TGFBRAP1: variants seen among roughly 807,000 people sequenced by gnomAD.
TGFBRAP1 encodes transforming growth factor-beta receptor-associated protein 1.
A neutral mutation model predicts 83.2 loss-of-function variants in TGFBRAP1; 20 were observed. The ratio of observed to expected loss-of-function variants is 0.24; its 90% CI spans 0.17 to 0.35. The LOEUF (loss-of-function observed/expected upper bound fraction) is 0.35, where lower values mean the gene tolerates loss of function less well. Ranked by LOEUF, TGFBRAP1 falls within the 10% of genes least tolerant of loss-of-function variation. The probability of loss-of-function intolerance (pLI) is 1.00; values close to 1 mark genes in which losing one functional copy is unlikely to be tolerated. For missense variants in TGFBRAP1, 950 were observed against 1,099.4 expected (o/e 0.86, Z 1.92); for synonymous variants, 415 against 459.8 (o/e 0.90, Z 1.25).
chr2:105,263,597 G>A (rs1040545218), downstream of TGFBRAP1, among the ~76,000 whole-genome samples: 1 of 151,944 alleles, frequency 6.6e-6, no homozygotes, highest in African/African-American at 2.4e-5. Context: ...TACTCGGGGG[G>A]CCAAGCATGG....
chr2:105,283,048 A>G (rs150860400), intron 5 of TGFBRAP1, among the ~76,000 whole-genome samples: 105 of 152,310 alleles, frequency 6.9e-4, no homozygotes, highest in Admixed American at 3.3e-3. Context: ...AAGAGAAAGA[A>G]GACACCTTGG....
intron 1 of TGFBRAP1, among the ~76,000 whole-genome samples, chr2:105,318,491 T>G (rs1416656279): frequency 6.6e-6 from 1 of 152,196 alleles, no homozygotes; most frequent in Non-Finnish European, 1.5e-5. Flanking sequence ...ATGTATAAAA[T>G]TCTACTCATT....
rs115502288 is a variant in TGFBRAP1 at position 105,298,050 on chromosome 2, G to A, written c.883+461C>T. Among the ~76,000 whole-genome samples the A allele has an allele frequency of 8.3e-3, 1,256 of 152,194 alleles. 19 individuals carry two copies. Among genetic ancestry groups the A allele is most frequent in the African/African-American group, 0.029 (1,192 of 41,522 alleles). On this transcript the variant is annotated intron_variant, in intron 3 of 11. Coordinates refer to ENST00000393359, the MANE Select transcript of TGFBRAP1 (RefSeq NM_004257.6). ...CTGGTCTGCTGCAGCCTCAGCTCAC[G>A]CTGCCCCTTCAAACACACCATGCAC...
At chr2:105,271,968 G>A (rs767933654) in intron 10 of TGFBRAP1, among the ~76,000 whole-genome samples, 1 of 152,154 alleles carries the variant, frequency 6.6e-6, no homozygotes, top group Non-Finnish European at 1.5e-5. Context: ...CTTCTTGTTG[G>A]TGATTTCAGT....
rs772448911 is a variant in TGFBRAP1 at position 105,307,666 on chromosome 2, G to A, written c.636C>T (p.Ile212=). ...ACTCCTGTCTCCCTATCCTCTTGACGATCGGCGGCCTCTCCTCACTGCAGT... is the reference window on the plus strand; with the variant it reads ...ACTCCTGTCTCCCTATCCTCTTGACAATCGGCGGCCTCTCCTCACTGCAGT... ...FPYCSEERPP[I]VKRIGRQEFL... Residue 212 remains isoleucine (I), a synonymous_variant, in exon 2 of 12, where the codon ATC becomes ATT. Transcript: ENST00000393359. The A allele has an allele frequency of 8.7e-6, 14 of 1,613,948 alleles. No homozygotes were observed. Among genetic ancestry groups the A allele is most frequent in the Non-Finnish European group, 1.1e-5 (13 of 1,180,040 alleles).
At chr2:105,305,697 C>T (rs1678472680) in intron 2 of TGFBRAP1, among the ~76,000 whole-genome samples, 1 of 152,224 alleles carries the variant, frequency 6.6e-6, no homozygotes, top group Non-Finnish European at 1.5e-5. Context: ...CAGAGTCTCA[C>T]TCTGTCACCC....
the TGFBRAP1 span, among the ~76,000 whole-genome samples, chr2:105,251,376 G>T: frequency 6.7e-6 from 1 of 148,606 alleles, no homozygotes; most frequent in East Asian, 2.0e-4. Flanking sequence ...CCTCTGCCCC[G>T]CCGCCCATTG....
Position 105,267,486 on chromosome 2 carries a change from T to G in TGFBRAP1, c.2480A>C (p.Glu827Ala). ...LCQICQNPFC[E>A]PVFVRYPNGG... is the part of the protein sequence containing the mutation. Reference sequence around the variant, plus strand: ...ATTTGGGTATCTAACAAACACAGGCTCACAAAAGGGATTTTGGCATATCTG... The same window carrying G: ...ATTTGGGTATCTAACAAACACAGGCGCACAAAAGGGATTTTGGCATATCTG... Residue 827 changes from glutamate (E) to alanine (A), a missense_variant, in exon 12 of 12, where the codon GAG becomes GCG. Glu to Ala is a moderately radical substitution (Grantham distance 107). Coordinates refer to ENST00000393359, the MANE Select transcript of TGFBRAP1 (RefSeq NM_004257.6). 1 of 1,614,220 alleles carries G rather than the reference T, an allele frequency of 6.2e-7. No homozygotes were observed. The highest frequency in any genetic ancestry group is 8.5e-7 in the Non-Finnish European group (1 of 1,180,040).
intron 1 of TGFBRAP1, among the ~76,000 whole-genome samples, chr2:105,311,434 A>C (rs1398769922): frequency 6.6e-6 from 1 of 151,988 alleles, no homozygotes; most frequent in African/African-American, 2.4e-5. Flanking sequence ...AAATATAAAA[A>C]CTTAGCCAGA....
intron 5 of TGFBRAP1, among the ~76,000 whole-genome samples, chr2:105,281,074 C>G (rs1325717645): frequency 6.6e-6 from 1 of 152,228 alleles, no homozygotes; most frequent in Admixed American, 6.5e-5. Context: ...CCATCAGAGT[C>G]TGCGCAAAGG....
At chr2:105,274,715 A>T (rs900123165) in intron 8 of TGFBRAP1, among the ~76,000 whole-genome samples, 1 of 152,200 alleles carries the variant, frequency 6.6e-6, no homozygotes, top group Admixed American at 6.5e-5. Flanking sequence ...CAAGTATGCA[A>T]AGTGCAAGTG....
intron 4 of TGFBRAP1, among the ~76,000 whole-genome samples, chr2:105,294,633 C>A (rs1015620275): frequency 6.6e-5 from 10 of 151,972 alleles, no homozygotes; most frequent in Non-Finnish European, 1.5e-4. Context: ...GAGATAGGAG[C>A]TTGCAGTAAT....
rs1445433994 is a variant in TGFBRAP1 at position 105,307,848 on chromosome 2, G to A, written c.454C>T (p.Leu152=). ...ATCTGCACCCGGTCCTCGTACACCA[G>A]AAACATCTGGATGGTTCTGCGTTTG... ...SVKRRTIQMF[L]VYEDRVQIVK... is the part of the protein sequence containing the mutation. Residue 152 remains leucine (L), a synonymous_variant, in exon 2 of 12, where the codon CTG becomes TTG. Transcript: ENST00000393359. 12 of 1,614,084 alleles carry A rather than the reference G, an allele frequency of 7.4e-6. No individual in the cohort carries two copies. Among genetic ancestry groups the A allele is most frequent in the Middle Eastern group, 1.6e-4 (1 of 6,084 alleles).
chr2:105,285,597 G>A (rs1160748657), intron 4 of TGFBRAP1, among the ~76,000 whole-genome samples: 1 of 152,180 alleles, frequency 6.6e-6, no homozygotes, highest in Non-Finnish European at 1.5e-5. Context: ...AACAGAAGTG[G>A]AACCTCGGTG....
intron 4 of TGFBRAP1, among the ~76,000 whole-genome samples, chr2:105,295,522 T>TGCAC (rs1484281898): frequency 6.6e-6 from 1 of 152,128 alleles, no homozygotes; most frequent in East Asian, 1.9e-4. Context: ...GCATTAAAAA[T>TGCAC]GTTCTCCTGG....
Position 105,317,419 on chromosome 2 carries a change from G to C in TGFBRAP1, c.-17-9101C>G, listed in dbSNP as rs1299483326. On this transcript the variant is annotated intron_variant, in intron 1 of 11. Coordinates refer to ENST00000393359, the MANE Select transcript of TGFBRAP1 (RefSeq NM_004257.6). ...GCCACTGCACTCCAGCCTGGCGACA[G>C]AGTGAGACTCATCTCAAAAAAAAAA... Among the ~76,000 whole-genome samples, 4 of 148,942 alleles carry C rather than the reference G, an allele frequency of 2.7e-5. No individual in the cohort carries two copies. The East Asian group carries it at 7.9e-4, about 30-fold the overall frequency.
At chr2:105,321,011 A>G (rs1177700074) in intron 1 of TGFBRAP1, among the ~76,000 whole-genome samples, 1 of 152,170 alleles carries the variant, frequency 6.6e-6, no homozygotes, top group Non-Finnish European at 1.5e-5. Context: ...GCAGCCTCAG[A>G]ATGGGCTCTG....
intron 1 of TGFBRAP1, among the ~76,000 whole-genome samples, chr2:105,309,542 T>C (rs959238534): frequency 6.6e-6 from 1 of 152,198 alleles, no homozygotes; most frequent in Non-Finnish European, 1.5e-5. Context: ...GAGAACTTCT[T>C]TGGTGCCTTT....
chr2:105,279,104 AT>A (rs1677444168), intron 6 of TGFBRAP1, among the ~76,000 whole-genome samples: 1 of 152,074 alleles, frequency 6.6e-6, no homozygotes, highest in South Asian at 2.1e-4. Flanking sequence ...AACCCCTCTC[AT>A]TTTTAAAGAT....
Sources: allele counts gnomAD v4.1 joint callset (sites outside exome capture counted in the v4.1 genomes callset), GRCh38; gene constraint gnomAD v4.1.1; transcripts MANE v1.5; gene names NCBI Gene and HGNC (gene_info 2026-07-23, HGNC 2026-07-21).